The following MACROD2 variants were observed in gnomAD, a reference collection of about 807,000 sequenced individuals.
MACROD2 encodes the protein mono-ADP ribosylhydrolase 2, also known as ADP-ribose glycohydrolase MACROD2.
In MACROD2, 36 loss-of-function variants were observed where a neutral mutation model predicts 70.4. The observed-to-expected ratio is 0.51, with a 90% CI of 0.39 to 0.68. The LOEUF (loss-of-function observed/expected upper bound fraction) is 0.68, where lower values mean the gene tolerates loss of function less well. MACROD2 is among the 30% of genes least tolerant of loss of function. The pLI, the probability that MACROD2 is intolerant of heterozygous loss-of-function variation, is 0.00. For synonymous variants in MACROD2, 172 were observed against 178.8 expected (o/e 0.96, Z 0.30); for missense variants, 496 against 538.4 (o/e 0.92, Z 0.78).
At chr20:14,171,395 T>C (rs1466923160) in intron 3 of MACROD2, among the ~76,000 whole-genome samples, 2 of 152,176 alleles carry the variant, frequency 1.3e-5, no homozygotes, top group Non-Finnish European at 2.9e-5. Context: ...TTGGATTTGG[T>C]TTGTTCTTGT....
chr20:15,440,512 C>T (rs1025049847), intron 7 of MACROD2, among the ~76,000 whole-genome samples: 1 of 152,166 alleles, frequency 6.6e-6, no homozygotes, highest in Non-Finnish European at 1.5e-5. Flanking sequence ...AGGAGACCAG[C>T]GCAATGTTAT....
rs531554233 is a variant in MACROD2, at chr20:14,404,885, G to C, written c.272-88594G>C. 6.6e-5 allele frequency among the ~76,000 whole-genome samples: 10 copies of C among 151,870 alleles called. No homozygotes were observed. In the South Asian group the frequency reaches 2.1e-3, roughly 32 times the overall value. ...TTACAATAAATTTATATGGACTGAA[G>C]TCACTAATTAAAGAAAAAAGATTGT... is the stretch of plus-strand genomic sequence containing the variant. On this transcript the variant is annotated intron_variant, in intron 3 of 17. Coordinates refer to ENST00000684519, the MANE Select transcript of MACROD2 (RefSeq NM_001351661.2).
intron 2 of MACROD2, among the ~76,000 whole-genome samples, chr20:14,014,227 C>T (rs1601113539): frequency 7.4e-6 from 1 of 134,670 alleles, no homozygotes; most frequent in African/African-American, 2.7e-5. Flanking sequence ...CTTGCTCCCC[C>T]CTCCCCCCCA....
At chr20:14,656,854 A>AT (rs1190428306) in intron 4 of MACROD2, among the ~76,000 whole-genome samples, 2 of 151,566 alleles carry the variant, frequency 1.3e-5, no homozygotes, top group African/African-American at 4.9e-5. Flanking sequence ...TTGGGGGGAG[A>AT]TTTTCTGTGT....
chr20:15,787,733 A>G (rs1396150305), intron 8 of MACROD2, among the ~76,000 whole-genome samples: 101 of 152,298 alleles, frequency 6.6e-4, no homozygotes, highest in Non-Finnish European at 1.3e-4. Flanking sequence ...TAAAAAATTT[A>G]AAGAAATATT....
intron 8 of MACROD2, among the ~76,000 whole-genome samples, chr20:15,823,784 A>G (rs1166101197): frequency 1.3e-5 from 2 of 152,186 alleles, no homozygotes; most frequent in Non-Finnish European, 2.9e-5. Flanking sequence ...TCCTCGTGTC[A>G]GACGGGGCCA....
intron 8 of MACROD2, among the ~76,000 whole-genome samples, chr20:15,730,118 A>G (rs1227186677): frequency 6.6e-6 from 1 of 152,030 alleles, no homozygotes; most frequent in African/African-American, 2.4e-5. Context: ...ATGAGCCACC[A>G]TGTCCAGCCA....
intron 5 of MACROD2, among the ~76,000 whole-genome samples, chr20:14,836,117 A>G (rs2073026994): frequency 6.6e-6 from 1 of 152,086 alleles, no homozygotes; most frequent in Non-Finnish European, 1.5e-5. Flanking sequence ...CCACAACACC[A>G]TAAAACTAAT....
intron 10 of MACROD2, among the ~76,000 whole-genome samples, chr20:15,898,964 A>T (rs141986415): frequency 6.6e-6 from 1 of 152,102 alleles, no homozygotes; most frequent in East Asian, 1.9e-4. Context: ...ATGTATACAC[A>T]TACCTATATG....
rs920301568 is a variant in MACROD2, at chr20:14,750,954, T to C, written c.418+65995T>C. Among the ~76,000 whole-genome samples, 6 of 152,240 alleles carry C rather than the reference T, an allele frequency of 3.9e-5. No homozygotes were observed. In the East Asian group the frequency reaches 1.2e-3, roughly 29 times the overall value. ...TTTTAGCATTCTATACTAGATCCCATGTACAGTTGAAGTTTTCTTTTGTTT... is the reference window on the plus strand; with the variant it reads ...TTTTAGCATTCTATACTAGATCCCACGTACAGTTGAAGTTTTCTTTTGTTT... On this transcript the variant is annotated intron_variant, in intron 5 of 17. Transcript: ENST00000684519.
At chr20:14,763,929 G>A (rs907385162) in intron 5 of MACROD2, among the ~76,000 whole-genome samples, 1 of 152,046 alleles carries the variant, frequency 6.6e-6, no homozygotes, top group Non-Finnish European at 1.5e-5. Flanking sequence ...GTCCTAAGGG[G>A]TTCACAAACC....
At chr20:15,699,117 G>A (rs1453069297) in intron 8 of MACROD2, among the ~76,000 whole-genome samples, 1 of 152,126 alleles carries the variant, frequency 6.6e-6, no homozygotes, top group Non-Finnish European at 1.5e-5. Flanking sequence ...TTCATTGCTG[G>A]TGAACTAGTG....
At chr20:15,265,587 C>A (rs1460727285) in intron 6 of MACROD2, among the ~76,000 whole-genome samples, 1 of 152,150 alleles carries the variant, frequency 6.6e-6, no homozygotes, top group Non-Finnish European at 1.5e-5. Context: ...AATAGCAGAT[C>A]TAAAGAGGGA....
chr20:14,062,787 T>C (rs2053705568), intron 2 of MACROD2, among the ~76,000 whole-genome samples: 1 of 152,186 alleles, frequency 6.6e-6, no homozygotes, highest in Non-Finnish European at 1.5e-5. Context: ...GGGTGACTAA[T>C]TGGAATAATT....
intron 6 of MACROD2, among the ~76,000 whole-genome samples, chr20:15,406,059 C>T (rs566921777): frequency 8.5e-5 from 13 of 152,266 alleles, no homozygotes; most frequent in South Asian, 6.2e-4. Context: ...TAGGGACTTC[C>T]GAGAGGAGAG....
chr20:15,699,645 C>T (rs548136952), intron 8 of MACROD2, among the ~76,000 whole-genome samples: 1 of 152,144 alleles, frequency 6.6e-6, no homozygotes, highest in African/African-American at 2.4e-5. Flanking sequence ...GAGGGTGAGA[C>T]GGGCCTGAAA....
intron 3 of MACROD2, among the ~76,000 whole-genome samples, chr20:14,200,273 A>G (rs898183654): frequency 2.6e-5 from 4 of 152,178 alleles, no homozygotes; most frequent in African/African-American, 4.8e-5. Flanking sequence ...AAACTAACAC[A>G]GGAACAGAAA....
chr20:14,018,827 A>G (rs1474473356), intron 2 of MACROD2, among the ~76,000 whole-genome samples: 1 of 152,232 alleles, frequency 6.6e-6, no homozygotes, highest in East Asian at 1.9e-4. Flanking sequence ...AGAAGCAAAT[A>G]TTATGGCACC....
chr20:15,932,559 A>C (rs937252101), intron 10 of MACROD2, among the ~76,000 whole-genome samples: 2 of 152,030 alleles, frequency 1.3e-5, no homozygotes, highest in Admixed American at 1.3e-4. Flanking sequence ...TATTTGCTTC[A>C]TTTTCCAAAC....
Sources: gnomAD v4.1 joint callset for allele counts (sites outside exome capture counted in the v4.1 genomes callset) on GRCh38, gnomAD v4.1.1 for gene constraint, MANE v1.5 for transcripts, NCBI Gene and HGNC (gene_info 2026-07-23, HGNC 2026-07-21) for gene names.